The following FANCB variants were observed in gnomAD, a reference collection of about 807,000 sequenced individuals.
FANCB encodes the protein FA complementation group B.
Under a neutral mutation model 38.9 loss-of-function variants are expected in FANCB, and 5 were observed. That is an observed-to-expected ratio of 0.13 (90% CI 0.07 to 0.27). The LOEUF is 0.27. Ranked by LOEUF, FANCB falls within the 10% of genes least tolerant of loss-of-function variation. The probability of loss-of-function intolerance (pLI) is 1.00; values close to 1 mark genes in which losing one functional copy is unlikely to be tolerated. For missense variants in FANCB, 573 were observed against 602.7 expected, an observed-to-expected ratio of 0.95 and a Z score of 0.52; for synonymous variants, 236 against 215.4, an observed-to-expected ratio of 1.10 and a Z score of -0.84.
At chrX:14,794,289 A>T in the FANCB span, among the ~76,000 whole-genome samples, 1 of 111,289 alleles carries the variant, frequency 9.0e-6, no homozygotes, top group Admixed American at 9.6e-5. Flanking sequence ...ATGATGAAAG[A>T]TGGAAGATGA....
the FANCB span, among the ~76,000 whole-genome samples, chrX:14,808,529 C>T: frequency 4.5e-5 from 5 of 111,911 alleles, no homozygotes; most frequent in African/African-American, 1.3e-4. Flanking sequence ...CGTGATAAAA[C>T]TCCTTAAAAA....
the FANCB span, among the ~76,000 whole-genome samples, chrX:14,807,316 T>C: frequency 5.3e-5 from 6 of 112,518 alleles, no homozygotes; most frequent in East Asian, 1.4e-3. Flanking sequence ...CAGAGTTTTA[T>C]GGAGGCTAAC....
intron 6 of FANCB, among the ~76,000 whole-genome samples, chrX:14,851,057 T>C (rs1026186669): frequency 8.9e-6 from 1 of 112,254 alleles, no homozygotes; most frequent in Non-Finnish European, 1.9e-5. Flanking sequence ...CTGTAAACTT[T>C]TGTATGAATA....
the FANCB span, among the ~76,000 whole-genome samples, chrX:14,693,194 A>C: frequency 1.8e-5 from 2 of 111,954 alleles, no homozygotes; most frequent in African/African-American, 6.5e-5. Context: ...TTTCAGATGA[A>C]ATTTAAAAAT....
At chrX:14,805,845 ACTGCAG>A in the FANCB span, among the ~76,000 whole-genome samples, 11 of 111,709 alleles carry the variant, frequency 9.8e-5, no homozygotes, top group Non-Finnish European at 1.9e-4. Context: ...AATCCCATTC[ACTGCAG>A]CTCAACAACA....
At chrX:14,775,742 G>A in the FANCB span, among the ~76,000 whole-genome samples, 1 of 112,111 alleles carries the variant, frequency 8.9e-6, no homozygotes, top group Non-Finnish European at 1.9e-5. Context: ...CAGATATAGT[G>A]ATCAGAGGAT....
chrX:14,859,656 T>C (rs1249531800), intron 3 of FANCB, among the ~76,000 whole-genome samples: 2 of 111,956 alleles, frequency 1.8e-5, no homozygotes, highest in African/African-American at 6.5e-5. Context: ...TGACTAACCT[T>C]TGGAAATTCT....
At chrX:14,870,193 T>C (rs2092488741) in intron 1 of FANCB, among the ~76,000 whole-genome samples, 1 of 111,770 alleles carries the variant, frequency 8.9e-6, no homozygotes, top group South Asian at 3.7e-4. Flanking sequence ...TCTTGGGATA[T>C]GTTCATAAAA....
chrX:14,714,159 G>A, the FANCB span, among the ~76,000 whole-genome samples: 2 of 110,154 alleles, frequency 1.8e-5, no homozygotes. Flanking sequence ...GCCCCACATA[G>A]GTGTAGGGGA....
In FANCB at chrX:14,843,519, T is replaced by C; in HGVS notation, c.*48A>G. The C allele has an allele frequency of 1.0e-6, 1 of 985,799 alleles. No homozygotes were observed. Among genetic ancestry groups the C allele is most frequent in the Non-Finnish European group, 1.4e-6 (1 of 709,930 alleles). The allele number at this position is 985,799 out of a possible 1,213,427, so 81.2% of individuals were successfully genotyped here. On this transcript the variant is annotated 3_prime_UTR_variant, in exon 10 of 10. Transcript: ENST00000650831. ...TATAGCAAGTAGAACCAAAATCTTA[T>C]ATGGTGGTGAAAACATATTTTAAAA...
the FANCB span, chrX:14,690,910 G>C: frequency 1.0e-5 from 12 of 1,154,754 alleles, no homozygotes; most frequent in Non-Finnish European, 1.2e-5. Context: ...TGGTTAGCTA[G>C]GCAATGTAAT....
chrX:14,787,755 A>C, the FANCB span, among the ~76,000 whole-genome samples: 1 of 105,333 alleles, frequency 9.5e-6, no homozygotes. Context: ...TTATGAACCT[A>C]GTATAAATAA....
rs763614697 is a variant in FANCB at position 14,849,468 on chromosome X, T to G, written c.1496+1037A>C. Among the ~76,000 whole-genome samples the G allele has an allele frequency of 4.5e-5, 5 of 112,053 alleles. No individual in the cohort carries two copies. In the South Asian group the frequency reaches 1.8e-3, roughly 41 times the overall value. The stretch of plus-strand genomic sequence containing the variant: ...CTATTACAAGGCACTACCTGGTTTC[T>G]CTGCGTACCCGTGGTTCAAATTCAA... On this transcript the variant is annotated intron_variant, in intron 7 of 9. Transcript: ENST00000650831.
the FANCB span, among the ~76,000 whole-genome samples, chrX:14,745,800 C>T: frequency 4.9e-5 from 5 of 102,662 alleles, no homozygotes; most frequent in Admixed American, 1.1e-4. Flanking sequence ...CCCGGGTTAA[C>T]GCCATTCTCC....
chrX:14,722,249 CTG>C, the FANCB span, among the ~76,000 whole-genome samples: 1 of 111,530 alleles, frequency 9.0e-6, no homozygotes, highest in African/African-American at 3.3e-5. Context: ...CAGACAGTAA[CTG>C]GGGCTGGAAC....
At chrX:14,748,149 C>T in the FANCB span, among the ~76,000 whole-genome samples, 6 of 111,940 alleles carry the variant, frequency 5.4e-5, no homozygotes, top group African/African-American at 1.9e-4. Context: ...ATCTGTCTTG[C>T]CCTCTCTGTG....
chrX:14,807,875 G>C, the FANCB span, among the ~76,000 whole-genome samples: 44 of 111,617 alleles, frequency 3.9e-4, no homozygotes, highest in East Asian at 1.9e-3. Flanking sequence ...AAATGAAAAA[G>C]GATACATTAC....
At chrX:14,870,331 T>A (rs1194824248) in intron 1 of FANCB, among the ~76,000 whole-genome samples, 1 of 111,328 alleles carries the variant, frequency 9.0e-6, no homozygotes, top group Non-Finnish European at 1.9e-5. Context: ...TAAACTCTGC[T>A]TATCAGGGCC....
chrX:14,762,836 G>A, the FANCB span, among the ~76,000 whole-genome samples: 1,603 of 112,283 alleles, frequency 0.014, 26 homozygotes, highest in African/African-American at 0.042. Context: ...TATCAGGCTC[G>A]CCTCCTTCCA....
Sources: allele counts gnomAD v4.1 joint callset (sites outside exome capture counted in the v4.1 genomes callset), GRCh38; gene constraint gnomAD v4.1.1; transcripts MANE v1.5; gene names NCBI Gene and HGNC (gene_info 2026-07-23, HGNC 2026-07-21).